Variants in TENM1 observed in about 807,000 individuals in gnomAD.
TENM1 encodes teneurin transmembrane protein 1, also known as teneurin-1.
In TENM1, 35 loss-of-function variants were observed where a neutral mutation model predicts 174.8. The observed-to-expected ratio is 0.20, with a 90% CI of 0.15 to 0.27. The LOEUF (loss-of-function observed/expected upper bound fraction) is 0.27, where lower values mean the gene tolerates loss of function less well. Ranked by LOEUF, TENM1 falls within the 10% of genes least tolerant of loss-of-function variation. The probability of loss-of-function intolerance (pLI) is 1.00; values close to 1 mark genes in which losing one functional copy is unlikely to be tolerated. For synonymous variants in TENM1, 781 were observed against 798.7 expected (o/e 0.98, Z 0.37); for missense variants, 1,633 against 2,130.1 (o/e 0.77, Z 4.59).
intron 18 of TENM1, among the ~76,000 whole-genome samples, chrX:124,515,022 C>T (rs978707182): frequency 1.8e-5 from 2 of 111,559 alleles, no homozygotes; most frequent in Admixed American, 9.5e-5. Flanking sequence ...TGCTTCATCC[C>T]TGGGATGTAA....
chrX:124,909,474 T>C (rs1434995158), intron 1 of TENM1, among the ~76,000 whole-genome samples: 2 of 112,177 alleles, frequency 1.8e-5, no homozygotes, highest in Non-Finnish European at 3.8e-5. Context: ...CAGGAGACAA[T>C]GGGCACTTCT....
rs112242816 is a variant in TENM1, at chrX:124,668,719, G to A, written c.1168+2964C>T. Reference sequence around the variant, plus strand: ...TGTTGTGGGGTGGGGGGAGTGGGGAGGGATAGCATTAGGAGATATACCTAA... The same window carrying A: ...TGTTGTGGGGTGGGGGGAGTGGGGAAGGATAGCATTAGGAGATATACCTAA... On this transcript the variant is annotated intron_variant, in intron 6 of 31. Coordinates refer to ENST00000422452, the Ensembl canonical transcript of TENM1. Among the ~76,000 whole-genome samples, 912 of 109,994 alleles carry A rather than the reference G, an allele frequency of 8.3e-3. 9 individuals carry two copies. The highest frequency in any genetic ancestry group is 0.029 in the African/African-American group (883 of 30,170).
upstream of TENM1, among the ~76,000 whole-genome samples, chrX:124,967,468 G>A (rs2147831448): frequency 9.0e-6 from 1 of 111,210 alleles, no homozygotes; most frequent in African/African-American, 3.3e-5. Flanking sequence ...TCTTTTCATG[G>A]AACGCCGATG....
intron 4 of TENM1, among the ~76,000 whole-genome samples, chrX:124,708,334 A>G (rs2052960519): frequency 9.0e-6 from 1 of 111,697 alleles, no homozygotes; most frequent in African/African-American, 3.2e-5. Context: ...AAAATTTTTT[A>G]AAGGACTGGG....
chrX:125,112,176 G>A, the TENM1 span, among the ~76,000 whole-genome samples: 2 of 107,343 alleles, frequency 1.9e-5, no homozygotes, highest in East Asian at 5.8e-4. Flanking sequence ...GTGTGTGAGT[G>A]AGGGGAGAGG....
At chrX:125,066,408 C>T in the TENM1 span, among the ~76,000 whole-genome samples, 1 of 111,621 alleles carries the variant, frequency 9.0e-6, no homozygotes, top group Non-Finnish European at 1.9e-5. Flanking sequence ...GAATTAGCAG[C>T]AATTTGTAAC....
At chrX:124,916,184 C>A (rs1342673012) in intron 1 of TENM1, among the ~76,000 whole-genome samples, 1 of 111,900 alleles carries the variant, frequency 8.9e-6, no homozygotes, top group Non-Finnish European at 1.9e-5. Context: ...AAAGCTCCTA[C>A]CTTTGTATTG....
rs190331834 is a variant in TENM1 at position 124,916,770 on chromosome X, C to T, written c.218-20529G>A. ...GGCTCATTATAAAATGGCGAGTTCA[C>T]CCCCTTTCTCTCTCTCTCTCTCTCT... On this transcript the variant is annotated intron_variant, in intron 1 of 31. Coordinates refer to ENST00000422452, the Ensembl canonical transcript of TENM1. Among the ~76,000 whole-genome samples, 20 of 106,973 alleles carry T rather than the reference C, an allele frequency of 1.9e-4. 1 individual carries two copies. The highest frequency in any genetic ancestry group is 6.1e-4 in the African/African-American group (17 of 28,085). The allele number at this position is 106,973 out of a possible 115,157, so 92.9% of individuals were successfully genotyped here. A position where few individuals can be genotyped will look rare whatever the true frequency, so the allele number is the denominator to read the frequency against.
At chrX:125,090,204 T>C in the TENM1 span, among the ~76,000 whole-genome samples, 1,633 of 111,873 alleles carry the variant, frequency 0.015, 23 homozygotes, top group African/African-American at 0.051. Flanking sequence ...GCTCATTCAA[T>C]AATATGTAGG....
At chrX:124,951,639 AATAT>A (rs1156297240) in intron 1 of TENM1, among the ~76,000 whole-genome samples, 3 of 63,019 alleles carry the variant, frequency 4.8e-5, no homozygotes, top group Admixed American at 2.1e-4. Context: ...GAAAAGTTAA[AATAT>A]ATATATATAT....
At chrX:124,770,254 C>A (rs753319086) in intron 3 of TENM1, among the ~76,000 whole-genome samples, 3 of 111,403 alleles carry the variant, frequency 2.7e-5, no homozygotes, top group Non-Finnish European at 5.7e-5. Context: ...TTTCTCCCCA[C>A]CCACTTCATT....
intron 22 of TENM1, among the ~76,000 whole-genome samples, chrX:124,464,852 C>T (rs998861946): frequency 2.7e-4 from 30 of 111,917 alleles, no homozygotes; most frequent in Non-Finnish European, 3.4e-4. Context: ...GGCACAAGAA[C>T]GCGACATTGA....
chrX:124,921,525 TTA>T (rs2058022937), intron 1 of TENM1, among the ~76,000 whole-genome samples: 1 of 111,906 alleles, frequency 8.9e-6, no homozygotes, highest in South Asian at 3.7e-4. Context: ...ATATTAAATG[TTA>T]TATGTTATAA....
chrX:124,862,170 C>A (rs976720522), intron 3 of TENM1, among the ~76,000 whole-genome samples: 1 of 111,793 alleles, frequency 8.9e-6, no homozygotes, highest in Non-Finnish European at 1.9e-5. Flanking sequence ...ATAAACAAAG[C>A]CTTTAAAAAT....
intron 4 of TENM1, among the ~76,000 whole-genome samples, chrX:124,727,165 G>A (rs985467699): frequency 2.7e-5 from 3 of 112,199 alleles, no homozygotes; most frequent in Non-Finnish European, 5.6e-5. Flanking sequence ...CTCCTGCCCC[G>A]GCATGATTCC....
At chrX:124,658,879 ATC>A (rs2051518931) in intron 6 of TENM1, among the ~76,000 whole-genome samples, 1 of 112,091 alleles carries the variant, frequency 8.9e-6, no homozygotes, top group African/African-American at 3.2e-5. Flanking sequence ...GACTCTGTAT[ATC>A]TGTTTTTGAA....
rs201986535 is a variant in TENM1, at chrX:124,583,905, T to C, written c.2078-18345A>G. Reference sequence around the variant, plus strand: ...TGAAGAATGCAGAAGCCTCAGGAGCTGATGCGATCAACTGGAAGAAAGGGT... The same window carrying C: ...TGAAGAATGCAGAAGCCTCAGGAGCCGATGCGATCAACTGGAAGAAAGGGT... On this transcript the variant is annotated intron_variant, in intron 11 of 31. Coordinates refer to ENST00000422452, the Ensembl canonical transcript of TENM1. 4.6e-3 allele frequency among the ~76,000 whole-genome samples: 476 copies of C among 103,128 alleles called. 22 individuals carry two copies. In the East Asian group the frequency reaches 0.078, roughly 17 times the overall value. The allele number at this position is 103,128 out of a possible 115,157, so 89.6% of individuals were successfully genotyped here. A position where few individuals can be genotyped will look rare whatever the true frequency, so the allele number is the denominator to read the frequency against.
the TENM1 span, among the ~76,000 whole-genome samples, chrX:125,203,468 G>A: frequency 8.9e-6 from 1 of 112,557 alleles, no homozygotes. Flanking sequence ...GAGTTGGTTG[G>A]TAAAAGTGCC....
At chrX:125,121,478 T>C in the TENM1 span, among the ~76,000 whole-genome samples, 1 of 112,393 alleles carries the variant, frequency 8.9e-6, no homozygotes, top group South Asian at 3.7e-4. Flanking sequence ...GATTTAGCAA[T>C]GTAATTGTGG....
Sources: allele counts gnomAD v4.1 joint callset (sites outside exome capture counted in the v4.1 genomes callset), GRCh38; gene constraint gnomAD v4.1.1; transcripts MANE v1.5; gene names NCBI Gene and HGNC (gene_info 2026-07-23, HGNC 2026-07-21).